Variants in LRRC4C observed in about 807,000 individuals in gnomAD.
The protein encoded by LRRC4C is leucine rich repeat containing 4C.
A neutral mutation model predicts 33.6 loss-of-function variants in LRRC4C; 5 were observed. The observed-to-expected ratio is 0.15, with a 90% CI of 0.08 to 0.31. The LOEUF is 0.31. LRRC4C is among the 10% of genes least tolerant of loss of function. The pLI, the probability that LRRC4C is intolerant of heterozygous loss-of-function variation, is 1.00. For synonymous variants in LRRC4C, 329 were observed against 302.0 expected, an observed-to-expected ratio of 1.09 and a Z score of -0.93; for missense variants, 560 against 796.7, an observed-to-expected ratio of 0.70 and a Z score of 3.58.
chr11:40,906,311 G>A (rs763280813), intron 2 of LRRC4C, among the ~76,000 whole-genome samples: 62 of 152,192 alleles, frequency 4.1e-4, no homozygotes, highest in Non-Finnish European at 6.2e-4. Context: ...AGGAGTTCGA[G>A]ACCAGCCTGA....
chr11:41,327,839 C>A (rs1951169891), intron 1 of LRRC4C, among the ~76,000 whole-genome samples: 1 of 152,190 alleles, frequency 6.6e-6, no homozygotes, highest in South Asian at 2.1e-4. Context: ...TAAGACGTAT[C>A]TTTGCTCCTC....
intron 2 of LRRC4C, among the ~76,000 whole-genome samples, chr11:40,782,548 T>C (rs879486559): frequency 2.0e-5 from 3 of 152,142 alleles, no homozygotes; most frequent in Non-Finnish European, 4.4e-5. Context: ...TTCATTCTCA[T>C]ACTCTTGGCC....
chr11:41,134,943 T>C (rs1307469705), intron 1 of LRRC4C, among the ~76,000 whole-genome samples: 3 of 152,158 alleles, frequency 2.0e-5, no homozygotes, highest in Non-Finnish European at 2.9e-5. Context: ...GTAATACAAC[T>C]ATCATTATTT....
intron 1 of LRRC4C, among the ~76,000 whole-genome samples, chr11:41,400,978 T>A (rs1954004652): frequency 6.6e-6 from 1 of 151,896 alleles, no homozygotes; most frequent in Non-Finnish European, 1.5e-5. Context: ...ACACTGTCAC[T>A]CATAAGCAAT....
chr11:40,933,824 C>A (rs1164269373), intron 1 of LRRC4C, 101 bp from the exon 2 acceptor site: 1 of 152,206 alleles, frequency 6.6e-6, no homozygotes, highest in African/African-American at 2.4e-5. Context: ...AATGGAATAA[C>A]CTACAGGGAA....
intron 3 of LRRC4C, among the ~76,000 whole-genome samples, chr11:40,498,387 G>T (rs150193109): frequency 5.9e-5 from 9 of 152,134 alleles, no homozygotes; most frequent in Non-Finnish European, 1.2e-4. Flanking sequence ...CACTGATGCC[G>T]CAAATAGTTG....
chr11:40,412,241 G>T (rs1950181490), intron 3 of LRRC4C, among the ~76,000 whole-genome samples: 2 of 151,936 alleles, frequency 1.3e-5, no homozygotes, highest in African/African-American at 4.8e-5. Context: ...TACATAATAA[G>T]CTTTATTGTA....
rs1197233591 is a variant in LRRC4C at position 40,635,659 on chromosome 11, C to A, written c.-270+12483G>T. Among the ~76,000 whole-genome samples, 5 of 98,116 alleles carry A rather than the reference C, an allele frequency of 5.1e-5. No homozygotes were observed. In the East Asian group the frequency reaches 1.6e-3, roughly 31 times the overall value. 64.4% of individuals were successfully genotyped at this position (98,116 alleles called of 152,430 possible). ...TTTTTTTTTTTTTTTTTTTTTGAGACGGAGTCTCGCTCTGTCGCCCAGGCT... is the reference window on the plus strand; with the variant it reads ...TTTTTTTTTTTTTTTTTTTTTGAGAAGGAGTCTCGCTCTGTCGCCCAGGCT... On this transcript the variant is annotated intron_variant, in intron 3 of 6. Coordinates refer to ENST00000528697, the MANE Select transcript of LRRC4C (RefSeq NM_001258419.2).
At chr11:40,731,560 A>T (rs61887976) in intron 2 of LRRC4C, among the ~76,000 whole-genome samples, 4,035 of 152,224 alleles carry the variant, frequency 0.027, 80 homozygotes, top group Middle Eastern at 0.041. Flanking sequence ...CTTTATAGCA[A>T]TGCAAGAATG....
chr11:40,896,300 C>A (rs533277913), intron 2 of LRRC4C, among the ~76,000 whole-genome samples: 3 of 152,230 alleles, frequency 2.0e-5, no homozygotes, highest in African/African-American at 7.2e-5. Context: ...CTATAAATAA[C>A]CTAAATAACC....
chr11:41,168,160 T>C (rs964585292), intron 1 of LRRC4C, among the ~76,000 whole-genome samples: 22 of 152,200 alleles, frequency 1.4e-4, no homozygotes, highest in African/African-American at 5.3e-4. Flanking sequence ...TTTCTGGTAC[T>C]GATCATGAAA....
At chr11:40,845,447 T>A (rs1452934416) in intron 2 of LRRC4C, among the ~76,000 whole-genome samples, 1 of 152,196 alleles carries the variant, frequency 6.6e-6, no homozygotes, top group Non-Finnish European at 1.5e-5. Context: ...TTTCTGTTCC[T>A]GTGTTAGTTT....
chr11:41,351,829 G>A (rs1951994693), intron 1 of LRRC4C, among the ~76,000 whole-genome samples: 1 of 152,176 alleles, frequency 6.6e-6, no homozygotes, highest in South Asian at 2.1e-4. Context: ...CTTTCACTAA[G>A]AGAGTTTGTT....
chr11:40,794,828 C>A (rs1290583867), intron 2 of LRRC4C, among the ~76,000 whole-genome samples: 2 of 152,094 alleles, frequency 1.3e-5, no homozygotes, highest in Non-Finnish European at 1.5e-5. Flanking sequence ...GGCTTAGTAT[C>A]AACACTTCTG....
intron 3 of LRRC4C, among the ~76,000 whole-genome samples, chr11:40,565,295 G>T (rs887303538): frequency 6.6e-6 from 1 of 152,048 alleles, no homozygotes; most frequent in African/African-American, 2.4e-5. Context: ...TGCCCCTCAG[G>T]TCTCCCTTCA....
chr11:40,187,851 G>A (rs554483419), intron 5 of LRRC4C, among the ~76,000 whole-genome samples: 9 of 152,218 alleles, frequency 5.9e-5, no homozygotes, highest in Admixed American at 3.9e-4. Flanking sequence ...GAAATCAGCC[G>A]TTAGAGGAGA....
At chr11:41,163,942 G>A (rs1272936883) in intron 1 of LRRC4C, among the ~76,000 whole-genome samples, 1 of 152,044 alleles carries the variant, frequency 6.6e-6, no homozygotes, top group African/African-American at 2.4e-5. Flanking sequence ...ATTTGTATTT[G>A]TAATTGTTGT....
chr11:40,826,159 G>GC (rs1952161556), intron 2 of LRRC4C, among the ~76,000 whole-genome samples: 1 of 151,906 alleles, frequency 6.6e-6, no homozygotes, highest in African/African-American at 2.4e-5. Context: ...TATTTAGCCA[G>GC]ATTGCTGTCT....
intron 2 of LRRC4C, among the ~76,000 whole-genome samples, chr11:40,678,169 G>A (rs11036012): frequency 2.0e-5 from 3 of 151,362 alleles, no homozygotes; most frequent in Non-Finnish European, 4.4e-5. Context: ...GAATTAGGAG[G>A]TATAAGTACT....
Sources: allele counts gnomAD v4.1 joint callset (sites outside exome capture counted in the v4.1 genomes callset), GRCh38; gene constraint gnomAD v4.1.1; transcripts MANE v1.5; gene names NCBI Gene and HGNC (gene_info 2026-07-23, HGNC 2026-07-21).